Variants in RAPGEF6 observed in about 807,000 individuals in gnomAD.
RAPGEF6 encodes Rap guanine nucleotide exchange factor 6.
A neutral mutation model predicts 171.4 loss-of-function variants in RAPGEF6; 56 were observed. The observed-to-expected ratio is 0.33, with a 90% CI of 0.26 to 0.41. RAPGEF6 has a LOEUF of 0.41. Ranked by LOEUF, RAPGEF6 falls within the 10% of genes least tolerant of loss-of-function variation. The pLI is 1.00. For synonymous variants in RAPGEF6, 692 were observed against 650.1 expected, an observed-to-expected ratio of 1.06 and a Z score of -0.98; for missense variants, 1,674 against 1,921.4, an observed-to-expected ratio of 0.87 and a Z score of 2.41.
chr5:131,454,116 T>G (rs913773958), intron 20 of RAPGEF6, among the ~76,000 whole-genome samples: 6 of 152,212 alleles, frequency 3.9e-5, no homozygotes, highest in African/African-American at 1.4e-4. Flanking sequence ...ACACCCTGTC[T>G]TTTGAGGTAA....
At chr5:131,453,241 C>T in intron 20 of RAPGEF6, 64 bp from the exon 21 acceptor site, 1 of 1,503,912 alleles carries the variant, frequency 6.6e-7, no homozygotes, top group Non-Finnish European at 8.9e-7. Flanking sequence ...TAGCAAAAGT[C>T]AAGCTGGTAA....
chr5:131,472,749 A>C lies in RAPGEF6; in HGVS notation c.2082-5T>G. The C allele has an allele frequency of 1.2e-6, 2 of 1,603,526 alleles. No individual in the cohort carries two copies. Among genetic ancestry groups the C allele is most frequent in the South Asian group, 2.2e-5 (2 of 90,784 alleles). ...GATTGGCTTAGGCCTCCATCACTTCAAAAGAATGTCATATATCACTTTAAA... is the reference window on the plus strand; with the variant it reads ...GATTGGCTTAGGCCTCCATCACTTCCAAAGAATGTCATATATCACTTTAAA... On this transcript the variant is annotated splice_polypyrimidine_tract_variant and splice_region_variant and intron_variant, in intron 16 of 27. Transcript: ENST00000509018.
chr5:131,606,903 A>G (rs1402202029), intron 1 of RAPGEF6, among the ~76,000 whole-genome samples: 1 of 152,214 alleles, frequency 6.6e-6, no homozygotes, highest in Non-Finnish European at 1.5e-5. Flanking sequence ...GAATGGAACT[A>G]AAAGAATGAT....
intron 5 of RAPGEF6, among the ~76,000 whole-genome samples, chr5:131,555,674 T>C (rs1761190959): frequency 6.6e-6 from 1 of 151,946 alleles, no homozygotes; most frequent in South Asian, 2.1e-4. Context: ...ATTAACAAAA[T>C]CAACATTACC....
At chr5:131,613,102 G>A (rs1387911063) in intron 1 of RAPGEF6, among the ~76,000 whole-genome samples, 1 of 152,162 alleles carries the variant, frequency 6.6e-6, no homozygotes, top group Non-Finnish European at 1.5e-5. Flanking sequence ...TTGACTGCAT[G>A]ACCCTGAACT....
intron 9 of RAPGEF6, 124 bp downstream of exon 9, chr5:131,507,943 CATTT>C (rs1410397139): frequency 3.4e-6 from 3 of 872,146 alleles, no homozygotes; most frequent in Admixed American, 3.1e-5. Context: ...TCAAACTTGG[CATTT>C]ATTTAAGAAA....
chr5:131,574,155 G>A (rs1050938846), intron 4 of RAPGEF6, among the ~76,000 whole-genome samples: 2 of 152,140 alleles, frequency 1.3e-5, no homozygotes, highest in African/African-American at 4.8e-5. Flanking sequence ...CAAAAGCCTG[G>A]CCACTGGGCC....
At chr5:131,629,523 G>A (rs911643661) in intron 1 of RAPGEF6, among the ~76,000 whole-genome samples, 2 of 151,672 alleles carry the variant, frequency 1.3e-5, no homozygotes, top group South Asian at 2.1e-4. Context: ...GGAGGCTAAG[G>A]TGGGAGGATT....
intron 15 of RAPGEF6, among the ~76,000 whole-genome samples, chr5:131,480,040 A>G (rs568702085): frequency 1.4e-3 from 218 of 152,242 alleles, no homozygotes; most frequent in Non-Finnish European, 2.8e-3. Flanking sequence ...GTTTGAAAAA[A>G]AACAGAGGTT....
chr5:131,445,521 T>TG (rs1752632265), intron 22 of RAPGEF6, among the ~76,000 whole-genome samples: 1 of 79,456 alleles, frequency 1.3e-5, no homozygotes, highest in African/African-American at 8.3e-5. Context: ...GTGTGTGTAT[T>TG]TATTTTTTAG....
chr5:131,502,079 A>G (rs1374755108), intron 11 of RAPGEF6, among the ~76,000 whole-genome samples: 2 of 152,192 alleles, frequency 1.3e-5, no homozygotes, highest in Non-Finnish European at 2.9e-5. Flanking sequence ...GGATATGTCA[A>G]AAAATACAGG....
At chr5:131,564,779 C>T (rs138063653) in intron 4 of RAPGEF6, among the ~76,000 whole-genome samples, 10 of 152,220 alleles carry the variant, frequency 6.6e-5, no homozygotes, top group East Asian at 5.8e-4. Context: ...AAGAAAGTAA[C>T]GATAAATACG....
At chr5:131,616,388 A>G (rs1014136261) in intron 1 of RAPGEF6, among the ~76,000 whole-genome samples, 26 of 152,196 alleles carry the variant, frequency 1.7e-4, no homozygotes, top group Admixed American at 1.0e-3. Flanking sequence ...ATTTAAACAT[A>G]TATTTCTAAT....
chr5:131,487,218 C>G (rs10062826), intron 15 of RAPGEF6, among the ~76,000 whole-genome samples: 10,989 of 152,228 alleles, frequency 0.072, 959 homozygotes, highest in African/African-American at 0.21. Flanking sequence ...AGCCGCGGAC[C>G]TTCGCGGCGA....
At chr5:131,508,635 T>A (rs1474622163) in intron 8 of RAPGEF6, among the ~76,000 whole-genome samples, 1 of 152,176 alleles carries the variant, frequency 6.6e-6, no homozygotes, top group Non-Finnish European at 1.5e-5. Context: ...AAAACAGGGA[T>A]AATAAATGTG....
At chr5:131,434,043 C>T (rs1017167278) in intron 24 of RAPGEF6, among the ~76,000 whole-genome samples, 5 of 152,146 alleles carry the variant, frequency 3.3e-5, no homozygotes, top group African/African-American at 4.8e-5. Flanking sequence ...TTTAACCCAA[C>T]GCTCCTTCCT....
intron 7 of RAPGEF6, among the ~76,000 whole-genome samples, chr5:131,513,565 TC>T (rs1472971671): frequency 2.0e-5 from 3 of 152,324 alleles, no homozygotes; most frequent in Non-Finnish European, 4.4e-5. Flanking sequence ...CTAATTATCA[TC>T]TGCATGAGAA....
intron 24 of RAPGEF6, 63 bp from the exon 25 acceptor site, chr5:131,433,721 G>C: frequency 8.1e-7 from 1 of 1,228,016 alleles, no homozygotes; most frequent in Admixed American, 2.3e-5. Flanking sequence ...GGGGTAGTAG[G>C]GGAAAGGATG....
chr5:131,622,917 C>A (rs1765677437), intron 1 of RAPGEF6, among the ~76,000 whole-genome samples: 1 of 152,128 alleles, frequency 6.6e-6, no homozygotes, highest in East Asian at 1.9e-4. Context: ...CTCGCCAATT[C>A]AGAAAAAAAC....
Sources: gnomAD v4.1 joint callset for allele counts (sites outside exome capture counted in the v4.1 genomes callset) on GRCh38, gnomAD v4.1.1 for gene constraint, MANE v1.5 for transcripts, NCBI Gene and HGNC (gene_info 2026-07-23, HGNC 2026-07-21) for gene names.